Variants in SHC3 observed in about 807,000 individuals in gnomAD.
SHC3 encodes SHC-transforming protein 3.
In SHC3, 15 loss-of-function variants were observed where a neutral mutation model predicts 60.4. The ratio of observed to expected loss-of-function variants is 0.25; its 90% CI spans 0.17 to 0.38. SHC3 has a LOEUF of 0.38. Among genes scored for constraint, SHC3 ranks in the 10% least tolerant of loss-of-function variants. The probability of loss-of-function intolerance (pLI) is 1.00; values close to 1 mark genes in which losing one functional copy is unlikely to be tolerated. For missense variants in SHC3, 677 were observed against 786.1 expected, an observed-to-expected ratio of 0.86 and a Z score of 1.66; for synonymous variants, 294 against 325.9, an observed-to-expected ratio of 0.90 and a Z score of 1.05.
At chr9:89,092,780 A>G (rs1450963238) in intron 2 of SHC3, among the ~76,000 whole-genome samples, 1 of 151,110 alleles carries the variant, frequency 6.6e-6, no homozygotes, top group African/African-American at 2.4e-5. Context: ...GTGTGTGTAT[A>G]CCAAAAAATC....
intron 11 of SHC3, among the ~76,000 whole-genome samples, chr9:89,022,836 C>T (rs1050280979): frequency 1.3e-5 from 2 of 152,174 alleles, no homozygotes; most frequent in Non-Finnish European, 2.9e-5. Context: ...ATCCTTACCC[C>T]GAAGCCTGCC....
At chr9:89,035,854 T>TA (rs1376173933) in intron 11 of SHC3, among the ~76,000 whole-genome samples, 791 of 73,788 alleles carry the variant, frequency 0.011, 12 homozygotes, top group African/African-American at 0.035. Flanking sequence ...TATATAGATG[T>TA]GTGTGTGTGT....
intron 11 of SHC3, among the ~76,000 whole-genome samples, chr9:89,019,038 G>A (rs1379489023): frequency 2.0e-5 from 3 of 147,232 alleles, no homozygotes; most frequent in Admixed American, 6.8e-5. Context: ...CAGCCTGAGC[G>A]ACAGAGCAAG....
chr9:89,045,677 C>T (rs915269441), intron 9 of SHC3, 69 bp downstream of exon 9: 2 of 1,424,562 alleles, frequency 1.4e-6, no homozygotes, highest in African/African-American at 2.8e-5. Flanking sequence ...AATAGGCGAC[C>T]CAGTGGTGAG....
At chr9:89,081,006 T>C (rs1210849087) in intron 2 of SHC3, among the ~76,000 whole-genome samples, 3 of 152,078 alleles carry the variant, frequency 2.0e-5, no homozygotes, top group Non-Finnish European at 4.4e-5. Context: ...GATCTTATGA[T>C]CCGCCCTCCT....
At chr9:89,151,164 A>G (rs530148338) in intron 1 of SHC3, among the ~76,000 whole-genome samples, 91 of 152,102 alleles carry the variant, frequency 6.0e-4, no homozygotes, top group Non-Finnish European at 1.1e-3. Context: ...GACTACAGGC[A>G]TGTGACACGG....
At chr9:89,096,589 T>C (rs995406628) in intron 2 of SHC3, among the ~76,000 whole-genome samples, 2 of 152,244 alleles carry the variant, frequency 1.3e-5, no homozygotes, top group East Asian at 1.9e-4. Flanking sequence ...AAGCCCTCTT[T>C]TTGTACATTT....
intron 1 of SHC3, among the ~76,000 whole-genome samples, chr9:89,121,657 T>G (rs576469968): frequency 1.3e-5 from 2 of 152,218 alleles, no homozygotes; most frequent in South Asian, 4.1e-4. Flanking sequence ...ACTGCACTAG[T>G]GTAGAGTCAA....
chr9:89,141,498 A>T (rs1424316281), intron 1 of SHC3, among the ~76,000 whole-genome samples: 2 of 152,212 alleles, frequency 1.3e-5, no homozygotes, highest in East Asian at 3.9e-4. Context: ...AGAGGCCAGA[A>T]GTCTGACTGG....
intron 1 of SHC3, among the ~76,000 whole-genome samples, chr9:89,169,851 T>G (rs1039605241): frequency 1.3e-5 from 2 of 152,150 alleles, no homozygotes; most frequent in African/African-American, 4.8e-5. Context: ...TCATAATAAA[T>G]GTTTAAATTT....
At chr9:89,109,966 T>C in intron 2 of SHC3, 1 of 985,418 alleles carries the variant, frequency 1.0e-6, no homozygotes, top group Non-Finnish European at 1.2e-6. Context: ...TACCTATGCC[T>C]CATTGTTTTA....
chr9:89,060,303 TACGTGGTAGAGG>T (rs1443958054), intron 6 of SHC3, among the ~76,000 whole-genome samples: 1 of 144,312 alleles, frequency 6.9e-6, no homozygotes, highest in African/African-American at 2.6e-5. Flanking sequence ...AGTGGTGTAG[TACGTGGTAGAGG>T]ACGTGGTGTA....
At chr9:89,029,008 G>T (rs1301632011) in intron 11 of SHC3, among the ~76,000 whole-genome samples, 1 of 139,356 alleles carries the variant, frequency 7.2e-6, no homozygotes, top group East Asian at 2.0e-4. Flanking sequence ...GATATCTATA[G>T]AGAGAGATAA....
At chr9:89,151,828 A>G (rs79841656) in intron 1 of SHC3, among the ~76,000 whole-genome samples, 3,441 of 152,292 alleles carry the variant, frequency 0.023, 57 homozygotes, top group Middle Eastern at 0.071. Context: ...ATCATGGAGG[A>G]TTATGATTAT....
intron 2 of SHC3, chr9:89,109,856 G>A (rs1449263014): frequency 2.1e-5 from 21 of 985,340 alleles, no homozygotes; most frequent in Non-Finnish European, 2.2e-5. Context: ...TAACTTCTAA[G>A]CAAAGTCTCT....
chr9:89,071,749 CTT>C (rs1825276104), intron 4 of SHC3, among the ~76,000 whole-genome samples: 1 of 152,206 alleles, frequency 6.6e-6, no homozygotes, highest in Admixed American at 6.5e-5. Flanking sequence ...AAGGCAGACT[CTT>C]TTACTATCAG....
intron 11 of SHC3, among the ~76,000 whole-genome samples, chr9:89,035,991 A>T (rs1239592258): frequency 6.6e-6 from 1 of 151,842 alleles, no homozygotes; most frequent in African/African-American, 2.4e-5. Flanking sequence ...GAAAATATAT[A>T]TTCAAATCCA....
chr9:89,069,717 G>C (rs1587709088), intron 5 of SHC3, among the ~76,000 whole-genome samples: 1 of 152,266 alleles, frequency 6.6e-6, no homozygotes, highest in East Asian at 1.9e-4. Context: ...GCTGGCCCAG[G>C]CAGGAGTGAT....
At chr9:89,069,058 C>T (rs952106589) in intron 5 of SHC3, among the ~76,000 whole-genome samples, 1 of 152,186 alleles carries the variant, frequency 6.6e-6, no homozygotes, top group African/African-American at 2.4e-5. Flanking sequence ...CCTGTAATCC[C>T]AGCACTTTGG....
Sources: allele counts gnomAD v4.1 joint callset (sites outside exome capture counted in the v4.1 genomes callset), GRCh38; gene constraint gnomAD v4.1.1; transcripts MANE v1.5; gene names NCBI Gene and HGNC (gene_info 2026-07-23, HGNC 2026-07-21).